Variants in SNX24 observed in about 807,000 individuals in gnomAD.
The protein encoded by SNX24 is sorting nexin 24.
A neutral mutation model predicts 28.7 loss-of-function variants in SNX24; 22 were observed. That is an observed-to-expected ratio of 0.77 (90% confidence interval 0.55 to 1.10). The LOEUF is 1.10. Ranked by LOEUF, SNX24 falls within the 50% of genes least tolerant of loss-of-function variation. SNX24 has a pLI of 0.00. For synonymous variants in SNX24, 69 were observed against 71.5 expected, an observed-to-expected ratio of 0.96 and a Z score of 0.18; for missense variants, 221 against 201.1, an observed-to-expected ratio of 1.10 and a Z score of -0.60.
At chr5:122,897,896 A>G (rs1282371096) in intron 1 of SNX24, among the ~76,000 whole-genome samples, 2 of 152,180 alleles carry the variant, frequency 1.3e-5, no homozygotes, top group East Asian at 1.9e-4. Flanking sequence ...CAAAAAAGTA[A>G]AAGTATTTGA....
At chr5:122,934,968 G>A (rs1759120352) in intron 1 of SNX24, among the ~76,000 whole-genome samples, 1 of 151,892 alleles carries the variant, frequency 6.6e-6, no homozygotes, top group Non-Finnish European at 1.5e-5. Flanking sequence ...CAGCCATTGT[G>A]TAATTTGTCT....
intron 3 of SNX24, among the ~76,000 whole-genome samples, chr5:122,990,413 A>G (rs1233030933): frequency 1.3e-5 from 2 of 152,370 alleles, no homozygotes; most frequent in East Asian, 1.9e-4. Flanking sequence ...GTAAGAATAT[A>G]TATACCTAGA....
chr5:122,981,534 T>C (rs1488775270), intron 3 of SNX24, among the ~76,000 whole-genome samples: 1 of 152,244 alleles, frequency 6.6e-6, no homozygotes, highest in South Asian at 2.1e-4. Context: ...ATCAGTACAA[T>C]ATAGTTTTAG....
intron 6 of SNX24, among the ~76,000 whole-genome samples, chr5:123,005,948 T>C (rs1335632799): frequency 6.6e-6 from 1 of 152,214 alleles, no homozygotes; most frequent in Admixed American, 6.5e-5. Flanking sequence ...TGGATATTCA[T>C]GTATTAGAGA....
At chr5:122,847,502 C>CTTTCTTTTTTTTTTT (rs1754694413) in intron 1 of SNX24, among the ~76,000 whole-genome samples, 1 of 130,798 alleles carries the variant, frequency 7.6e-6, no homozygotes, top group Non-Finnish European at 1.6e-5. Flanking sequence ...CTCTCTCTCT[C>CTTTCTTTTTTTTTTT]TTTTTTTTTT....
At chr5:122,881,282 A>G (rs1756471448) in intron 1 of SNX24, among the ~76,000 whole-genome samples, 1 of 152,164 alleles carries the variant, frequency 6.6e-6, no homozygotes, top group Admixed American at 6.5e-5. Context: ...TTTATCTTTA[A>G]AATAGTTGCC....
rs373425788 is a variant in SNX24, at chr5:123,002,524, C to A, written c.442+520C>A. Among the ~76,000 whole-genome samples the A allele has an allele frequency of 1.1e-4, 16 of 152,230 alleles. 2 individuals are homozygous for A. Among genetic ancestry groups the A allele is most frequent in the East Asian group, 3.9e-4 (2 of 5,146 alleles). ...GCCGGCGCCTATAATCCCAGCTACT[C>A]GGGAAGCTGAGGCAGGAGAATGGCG... On this transcript the variant is annotated intron_variant, in intron 6 of 6. Coordinates refer to ENST00000261369, the MANE Select transcript of SNX24 (RefSeq NM_014035.4).
intron 3 of SNX24, among the ~76,000 whole-genome samples, chr5:122,952,799 G>C (rs1394582688): frequency 6.6e-6 from 1 of 152,162 alleles, no homozygotes; most frequent in African/African-American, 2.4e-5. Context: ...ACACATGAGA[G>C]TTCTTAGAAT....
intron 3 of SNX24, among the ~76,000 whole-genome samples, chr5:122,968,437 A>T (rs1760809706): frequency 6.6e-6 from 1 of 152,182 alleles, no homozygotes; most frequent in African/African-American, 2.4e-5. Context: ...TTGACCTCAA[A>T]TTGTTTTAAA....
intron 3 of SNX24, among the ~76,000 whole-genome samples, chr5:122,972,514 G>A (rs1405464480): frequency 3.3e-5 from 5 of 152,134 alleles, no homozygotes; most frequent in Admixed American, 6.5e-5. Flanking sequence ...TACATCGTTC[G>A]GTCAATCCAG....
intron 1 of SNX24, among the ~76,000 whole-genome samples, chr5:122,846,110 G>A (rs190834507): frequency 7.4e-5 from 11 of 148,122 alleles, no homozygotes; most frequent in African/African-American, 2.7e-4. Flanking sequence ...TGGAAAACCT[G>A]TTTTTTTTTT....
chr5:122,847,347 G>A (rs1225432464), intron 1 of SNX24, among the ~76,000 whole-genome samples: 1 of 152,080 alleles, frequency 6.6e-6, no homozygotes, highest in Non-Finnish European at 1.5e-5. Flanking sequence ...ACTCCAGGTT[G>A]TGAATTAAAC....
chr5:122,884,996 G>A (rs558932790), intron 1 of SNX24, among the ~76,000 whole-genome samples: 1 of 152,224 alleles, frequency 6.6e-6, no homozygotes, highest in South Asian at 2.1e-4. Context: ...TCAGAAGCAC[G>A]CTATTATGGA....
chr5:122,989,270 C>T (rs913201504), intron 3 of SNX24, among the ~76,000 whole-genome samples: 1 of 152,136 alleles, frequency 6.6e-6, no homozygotes, highest in African/African-American at 2.4e-5. Context: ...CTCACTGGCT[C>T]AAGATTATCA....
chr5:122,869,363 A>G (rs1255685763), intron 1 of SNX24, among the ~76,000 whole-genome samples: 1 of 152,254 alleles, frequency 6.6e-6, no homozygotes, highest in Non-Finnish European at 1.5e-5. Context: ...TAACAGAATA[A>G]CAAATACTGG....
chr5:122,893,682 T>C (rs1242931112), intron 1 of SNX24, among the ~76,000 whole-genome samples: 2 of 152,210 alleles, frequency 1.3e-5, no homozygotes, highest in Non-Finnish European at 2.9e-5. Flanking sequence ...GAATTTAAGA[T>C]TTTTATGCAG....
chr5:122,906,594 C>T (rs189467636), intron 1 of SNX24, among the ~76,000 whole-genome samples: 9 of 152,252 alleles, frequency 5.9e-5, no homozygotes, highest in Non-Finnish European at 7.4e-5. Context: ...CTGCAACCTC[C>T]GCCTCCCAGG....
chr5:122,861,789 A>G (rs562563425), intron 1 of SNX24, among the ~76,000 whole-genome samples: 1 of 151,880 alleles, frequency 6.6e-6, no homozygotes, highest in African/African-American at 2.4e-5. Flanking sequence ...TATAATTCTC[A>G]TTCTAAGGAA....
chr5:122,931,872 T>G (rs1758973600), intron 1 of SNX24, among the ~76,000 whole-genome samples: 1 of 151,944 alleles, frequency 6.6e-6, no homozygotes, highest in Non-Finnish European at 1.5e-5. Flanking sequence ...AGTGATCACT[T>G]TGTAACGTAT....
Sources: allele counts gnomAD v4.1 joint callset (sites outside exome capture counted in the v4.1 genomes callset), GRCh38; gene constraint gnomAD v4.1.1; transcripts MANE v1.5; gene names NCBI Gene and HGNC (gene_info 2026-07-23, HGNC 2026-07-21).